LRRFIP1: variants seen among roughly 807,000 people sequenced by gnomAD.
LRRFIP1 encodes LRR binding FLII interacting protein 1, also known as leucine-rich repeat flightless-interacting protein 1.
A neutral mutation model predicts 104.4 loss-of-function variants in LRRFIP1; 62 were observed. The observed-to-expected ratio is 0.59, with a 90% CI of 0.48 to 0.73. The LOEUF is 0.73. Ranked by LOEUF, LRRFIP1 falls within the 30% of genes least tolerant of loss-of-function variation. The probability of loss-of-function intolerance (pLI) is 0.00; values close to 1 mark genes in which losing one functional copy is unlikely to be tolerated. For missense variants in LRRFIP1, 796 were observed against 824.5 expected (o/e 0.97, Z 0.42); for synonymous variants, 300 against 299.0 (o/e 1.00, Z -0.03).
Position 237,769,972 on chromosome 2 carries a change from C to T in LRRFIP1, c.1489C>T (p.Arg497Trp), listed in dbSNP as rs760445730. ...DIRLKKLVDE[R>W]ECLLEQIKKL... Reference sequence around the variant, plus strand: ...TAGGTTGAAAAAGCTGGTTGATGAACGGGAATGCTTATTGGAACAGGTAAC... The same window carrying T: ...TAGGTTGAAAAAGCTGGTTGATGAATGGGAATGCTTATTGGAACAGGTAAC... Residue 497 changes from arginine (R) to tryptophan (W), a missense_variant, in exon 20 of 24, where the codon CGG becomes TGG. By Grantham distance (101) the Arg-to-Trp change is moderately radical. Coordinates refer to ENST00000308482, the MANE Select transcript of LRRFIP1 (RefSeq NM_001137550.2). 43 of 1,604,906 alleles carry T rather than the reference C, an allele frequency of 2.7e-5. No homozygotes were observed. Among genetic ancestry groups the T allele is most frequent in the Non-Finnish European group, 3.3e-5 (39 of 1,175,224 alleles).
At chr2:237,708,750 G>C in intron 2 of LRRFIP1, 120 bp downstream of exon 2, 1 of 1,138,946 alleles carries the variant, frequency 8.8e-7, no homozygotes. Context: ...CTCACGGTCA[G>C]AGTGCGTTTG....
chr2:237,711,615 T>C lies in LRRFIP1; in HGVS notation c.184-2644T>C, dbSNP rs1348816030. 6.6e-6 allele frequency among the ~76,000 whole-genome samples: 1 copy of C among 152,142 alleles called. No individual in the cohort carries two copies. The highest frequency in any genetic ancestry group is 1.5e-5 in the Non-Finnish European group (1 of 68,008). On this transcript the variant is annotated intron_variant, in intron 2 of 23. Transcript: ENST00000308482. This position sits in a 1 kb window ranked among gnomAD's most constrained non-coding sequence, Gnocchi z 4.4. ...CGGCTGTGACACAGGGCGGGCGTCGTGGGCGCGGCTGTGGACTCCTGCCTG... is the reference window on the plus strand; with the variant it reads ...CGGCTGTGACACAGGGCGGGCGTCGCGGGCGCGGCTGTGGACTCCTGCCTG...
At chr2:237,645,826 G>T (rs778528510) in intron 1 of LRRFIP1, among the ~76,000 whole-genome samples, 25 of 151,996 alleles carry the variant, frequency 1.6e-4, no homozygotes, top group Non-Finnish European at 2.2e-4. Flanking sequence ...GAAACATCTG[G>T]ATTGCAGAGA....
rs1477551237 is a variant in LRRFIP1 at position 237,781,384 on chromosome 2, C to G, written c.*1852C>G. 6.6e-6 allele frequency among the ~76,000 whole-genome samples: 1 copy of G among 152,150 alleles called. No individual in the cohort carries two copies. The highest frequency in any genetic ancestry group is 1.9e-4 in the East Asian group (1 of 5,192). On this transcript the variant is annotated 3_prime_UTR_variant, in exon 24 of 24. Coordinates refer to ENST00000308482, the MANE Select transcript of LRRFIP1 (RefSeq NM_001137550.2). ...ACATTACAGATGAGGGACCCAGGGT[C>G]CAGGAAGGTGAACTGGCAGAAGTCT...
intron 11 of LRRFIP1, among the ~76,000 whole-genome samples, chr2:237,740,819 C>T (rs545606161): frequency 6.6e-6 from 1 of 152,196 alleles, no homozygotes; most frequent in Non-Finnish European, 1.5e-5. Flanking sequence ...CCACTATTTT[C>T]GTGACCCCGA....
chr2:237,743,904 G>GGTGAAGCCATCAC (rs750865469), intron 11 of LRRFIP1, among the ~76,000 whole-genome samples: 7 of 152,168 alleles, frequency 4.6e-5, no homozygotes, highest in African/African-American at 9.7e-5. Flanking sequence ...CTGGGAACCT[G>GGTGAAGCCATCAC]GTGAAGCCAT....
Position 237,727,905 on chromosome 2 carries a change from A to T in LRRFIP1, c.414A>T (p.Gly138=). ...ATGGTTATGATGGAGAATTGTATGGATCACAGTCCCTGAATAGAAGATCTG... is the reference window on the plus strand; with the variant it reads ...ATGGTTATGATGGAGAATTGTATGGTTCACAGTCCCTGAATAGAAGATCTG... ...WTNGYDGELY[G]SQSLNRRSGR... The change falls in exon 8 of 24, where the codon GGA becomes GGT. Residue 138 remains glycine, a synonymous_variant. Coordinates refer to ENST00000308482, the MANE Select transcript of LRRFIP1 (RefSeq NM_001137550.2). The T allele has an allele frequency of 1.9e-6, 3 of 1,612,174 alleles. No individual in the cohort carries two copies. Among genetic ancestry groups the T allele is most frequent in the Non-Finnish European group, 2.5e-6 (3 of 1,179,176 alleles).
chr2:237,726,149 G>T (rs548480259), intron 7 of LRRFIP1, among the ~76,000 whole-genome samples: 5 of 152,224 alleles, frequency 3.3e-5, no homozygotes, highest in Admixed American at 2.0e-4. Context: ...AATCTCCAAA[G>T]ATTTTTACTA....
At chr2:237,659,709 CA>C (rs1300363133) in intron 1 of LRRFIP1, among the ~76,000 whole-genome samples, 1 of 151,618 alleles carries the variant, frequency 6.6e-6, no homozygotes, top group Non-Finnish European at 1.5e-5. Flanking sequence ...GCGGTGCGAT[CA>C]TTGCTCATCG....
chr2:237,642,672 C>T (rs2084192280), intron 1 of LRRFIP1, among the ~76,000 whole-genome samples: 1 of 151,756 alleles, frequency 6.6e-6, no homozygotes, highest in African/African-American at 2.4e-5. Flanking sequence ...GTTTCAGGTA[C>T]TAGGCTAAGG....
rs570507136 is a variant in LRRFIP1, at chr2:237,692,126, G to C, written c.97-16418G>C. 4 of 807,852 alleles carry C rather than the reference G, an allele frequency of 5.0e-6. No homozygotes were observed. The East Asian group carries it at 4.4e-4, about 90-fold the overall frequency. The allele number at this position is 807,852 out of a possible 1,614,324, so 50.0% of individuals were successfully genotyped here. A position where few individuals can be genotyped will look rare whatever the true frequency, so the allele number is the denominator to read the frequency against. On this transcript the variant is annotated intron_variant, in intron 1 of 23. Transcript: ENST00000308482. ...GACGGGGCGGGGCGTAGCCGGGAGGGCCCCTCCGAGGCGGAACTGCGTGGG... is the reference window on the plus strand; with the variant it reads ...GACGGGGCGGGGCGTAGCCGGGAGGCCCCCTCCGAGGCGGAACTGCGTGGG...
intron 2 of LRRFIP1, 38 bp from the exon 3 acceptor site, chr2:237,714,221 G>C: frequency 6.6e-7 from 1 of 1,504,214 alleles, no homozygotes; most frequent in Non-Finnish European, 9.1e-7. Context: ...TCTTTAATTG[G>C]ATTTTACATT....
At chr2:237,635,991 G>A (rs1377614003) in intron 1 of LRRFIP1, among the ~76,000 whole-genome samples, 1 of 151,876 alleles carries the variant, frequency 6.6e-6, no homozygotes, top group Non-Finnish European at 1.5e-5. Context: ...CAGCTAGTTG[G>A]GAGGCTGAGG....
intron 23 of LRRFIP1, among the ~76,000 whole-genome samples, chr2:237,775,989 C>T (rs544726085): frequency 3.3e-5 from 5 of 151,528 alleles, no homozygotes; most frequent in Admixed American, 6.6e-5. Context: ...TTTTTTGAGA[C>T]GGAGTCTGAC....
chr2:237,651,670 G>A (rs1236783603), intron 1 of LRRFIP1, among the ~76,000 whole-genome samples: 1 of 152,110 alleles, frequency 6.6e-6, no homozygotes, highest in Non-Finnish European at 1.5e-5. Flanking sequence ...CTAGGACAGT[G>A]CTGTTAGAAA....
chr2:237,677,252 G>T (rs932196462), intron 1 of LRRFIP1, among the ~76,000 whole-genome samples: 1 of 152,154 alleles, frequency 6.6e-6, no homozygotes, highest in Non-Finnish European at 1.5e-5. Context: ...TTGATGAATA[G>T]TATGAGGTAC....
intron 1 of LRRFIP1, among the ~76,000 whole-genome samples, chr2:237,685,021 T>C (rs2092235625): frequency 6.6e-6 from 1 of 151,924 alleles, no homozygotes; most frequent in South Asian, 2.1e-4. Flanking sequence ...AAGGTTGCAG[T>C]GAGCCAAGGT....
intron 17 of LRRFIP1, among the ~76,000 whole-genome samples, chr2:237,758,142 C>T (rs1172933010): frequency 6.6e-6 from 1 of 151,438 alleles, no homozygotes; most frequent in African/African-American, 2.4e-5. Flanking sequence ...CTAATAAAGA[C>T]GTCGAGATAC....
intron 4 of LRRFIP1, 86 bp from the exon 5 acceptor site, chr2:237,719,437 T>G: frequency 1.2e-6 from 1 of 824,334 alleles, no homozygotes; most frequent in South Asian, 1.4e-5. Flanking sequence ...TGTATTATGG[T>G]GCAGTGGGAC....
Sources: allele counts gnomAD v4.1 joint callset (sites outside exome capture counted in the v4.1 genomes callset), GRCh38; gene constraint gnomAD v4.1.1; non-coding constraint Gnocchi (gnomAD v3.1); transcripts MANE v1.5; gene names NCBI Gene and HGNC (gene_info 2026-07-23, HGNC 2026-07-21).